The following SUMF1 variants were observed in gnomAD, a reference collection of about 807,000 sequenced individuals.
SUMF1 encodes the protein sulfatase modifying factor 1, also known as formylglycine-generating enzyme.
Under a neutral mutation model 47.6 loss-of-function variants are expected in SUMF1, and 48 were observed. The ratio of observed to expected loss-of-function variants is 1.01; its 90% CI spans 0.80 to 1.28. SUMF1 has a LOEUF of 1.28. Ranked by LOEUF, SUMF1 falls within the 50% of genes most tolerant of loss-of-function variation. The probability of loss-of-function intolerance (pLI) is 0.00; values close to 1 mark genes in which losing one functional copy is unlikely to be tolerated. For synonymous variants in SUMF1, 230 were observed against 192.1 expected, an observed-to-expected ratio of 1.20 and a Z score of -1.63; for missense variants, 571 against 485.4, an observed-to-expected ratio of 1.18 and a Z score of -1.66.
rs1012489529 is a variant in SUMF1 at position 4,151,873 on chromosome 3, A to C, written c.1015-83128T>G. Reference sequence around the variant, plus strand: ...GGACAGGTACGACAACTCCAGGCATAACTGACCTTCCCATGTAAGCATGGT... The same window carrying C: ...GGACAGGTACGACAACTCCAGGCATCACTGACCTTCCCATGTAAGCATGGT... On this transcript the variant is annotated intron_variant and NMD_transcript_variant, in intron 8 of 12. Transcript: ENST00000448413. Among the ~76,000 whole-genome samples the C allele has an allele frequency of 2.6e-5, 4 of 151,634 alleles. No individual in the cohort carries two copies. The East Asian group carries it at 7.7e-4, about 29-fold the overall frequency.
intron 8 of SUMF1, among the ~76,000 whole-genome samples, chr3:4,174,964 G>C (rs775256580): frequency 1.1e-4 from 17 of 152,194 alleles, no homozygotes; most frequent in Non-Finnish European, 2.2e-4. Flanking sequence ...TCTGCCAGAA[G>C]GCAGCCGGGC....
At chr3:4,123,623 G>A (rs1693592986) in intron 8 of SUMF1, among the ~76,000 whole-genome samples, 1 of 152,142 alleles carries the variant, frequency 6.6e-6, no homozygotes, top group African/African-American at 2.4e-5. Flanking sequence ...TCCTTGAAAA[G>A]CAGAACTAGG....
At chr3:4,140,476 ATT>A (rs1694046688) in intron 8 of SUMF1, among the ~76,000 whole-genome samples, 1 of 151,982 alleles carries the variant, frequency 6.6e-6, no homozygotes, top group African/African-American at 2.4e-5. Flanking sequence ...AGAGTTTAGT[ATT>A]TTGTCAAGTA....
At chr3:4,317,227 A>C (rs1698701825) in intron 8 of SUMF1, 4 of 1,542,326 alleles carry the variant, frequency 2.6e-6, no homozygotes, top group Non-Finnish European at 3.5e-6. Flanking sequence ...GTTGATTGTA[A>C]TGGTTCCTAT....
intron 8 of SUMF1, among the ~76,000 whole-genome samples, chr3:4,209,608 A>C (rs935412785): frequency 2.0e-5 from 3 of 152,064 alleles, no homozygotes; most frequent in Non-Finnish European, 4.4e-5. Flanking sequence ...TTAGAGATCA[A>C]GAAGAAAAAA....
chr3:4,316,827 A>C (rs1472736721), intron 8 of SUMF1: 16 of 1,550,538 alleles, frequency 1.0e-5, no homozygotes, highest in Non-Finnish European at 1.4e-5. Flanking sequence ...GATCCACTAC[A>C]GCTTTCTGAA....
At chr3:4,350,859 C>A (rs1230667514) in intron 8 of SUMF1, among the ~76,000 whole-genome samples, 1 of 151,744 alleles carries the variant, frequency 6.6e-6, no homozygotes, top group Non-Finnish European at 1.5e-5. Context: ...TCCCTTTTTG[C>A]TCATACCTCC....
rs569648663 is a variant in SUMF1, at chr3:4,338,842, A to AGT, written c.1014+37486_1014+37487dup. On this transcript the variant is annotated intron_variant and NMD_transcript_variant, in intron 8 of 12. Coordinates refer to the SUMF1 transcript ENST00000448413. ...TTGGGTCTTTGAGCCCCTATAATTT[A>AGT]GTGTGTGTGTGCAAATTTGGCATTC... is the stretch of plus-strand genomic sequence containing the variant. Among the ~76,000 whole-genome samples, 5 of 152,068 alleles carry AGT rather than the reference A, an allele frequency of 3.3e-5. No individual in the cohort carries two copies. In the South Asian group the frequency reaches 1.0e-3, roughly 32 times the overall value.
chr3:4,360,746 T>A (rs9825605), downstream of SUMF1, among the ~76,000 whole-genome samples: 10,904 of 152,270 alleles, frequency 0.072, 1,170 homozygotes, highest in African/African-American at 0.24. Context: ...AACATTTCTT[T>A]CAAATGGCAT....
chr3:4,349,392 T>G (rs1204600398), intron 8 of SUMF1, among the ~76,000 whole-genome samples: 1 of 152,216 alleles, frequency 6.6e-6, no homozygotes, highest in Non-Finnish European at 1.5e-5. Context: ...GGTGGGAATG[T>G]AAATTAGTTC....
chr3:4,464,563 G>C (rs1017836362), intron 1 of SUMF1, among the ~76,000 whole-genome samples: 1 of 152,062 alleles, frequency 6.6e-6, no homozygotes, highest in Non-Finnish European at 1.5e-5. Flanking sequence ...ATAAACATTT[G>C]TTTAATTAAA....
At chr3:4,278,034 A>G (rs1697454423) in intron 8 of SUMF1, among the ~76,000 whole-genome samples, 1 of 152,186 alleles carries the variant, frequency 6.6e-6, no homozygotes, top group Non-Finnish European at 1.5e-5. Flanking sequence ...TTTCGCTACA[A>G]CACAAGAGAG....
At chr3:4,371,058 TTCAC>T (rs1700152154) in intron 8 of SUMF1, among the ~76,000 whole-genome samples, 1 of 152,238 alleles carries the variant, frequency 6.6e-6, no homozygotes, top group African/African-American at 2.4e-5. Context: ...AATGCACTCA[TTCAC>T]TCAGCAAACA....
At chr3:4,196,854 T>C (rs1267195178) in intron 8 of SUMF1, among the ~76,000 whole-genome samples, 1 of 152,148 alleles carries the variant, frequency 6.6e-6, no homozygotes, top group East Asian at 1.9e-4. Flanking sequence ...TTGCTTGCTG[T>C]GTTGCAATAA....
At chr3:4,190,292 C>A (rs1574964397) in intron 8 of SUMF1, among the ~76,000 whole-genome samples, 1 of 151,264 alleles carries the variant, frequency 6.6e-6, no homozygotes, top group African/African-American at 2.4e-5. Context: ...AATGGAAACA[C>A]GAGGGAAGCA....
chr3:4,456,299 G>A (rs182211707), intron 1 of SUMF1, among the ~76,000 whole-genome samples: 1 of 152,110 alleles, frequency 6.6e-6, no homozygotes. Flanking sequence ...GTTAGATTCA[G>A]AACAAGCCAA....
intron 7 of SUMF1, among the ~76,000 whole-genome samples, chr3:4,386,228 T>G (rs1250829376): frequency 6.6e-6 from 1 of 152,220 alleles, no homozygotes; most frequent in Non-Finnish European, 1.5e-5. Flanking sequence ...ATATCTCTAC[T>G]AGGCTGAATT....
intron 8 of SUMF1, among the ~76,000 whole-genome samples, chr3:4,302,960 T>G (rs1698008850): frequency 6.6e-6 from 1 of 152,136 alleles, no homozygotes; most frequent in Admixed American, 6.5e-5. Context: ...CACATGTCAG[T>G]CAACTTCCCG....
At chr3:4,337,907 C>A (rs1297151108) in intron 8 of SUMF1, among the ~76,000 whole-genome samples, 1 of 152,098 alleles carries the variant, frequency 6.6e-6, no homozygotes, top group African/African-American at 2.4e-5. Flanking sequence ...CACCTCCCTC[C>A]CAGTAAACCC....
Sources: allele counts gnomAD v4.1 joint callset (sites outside exome capture counted in the v4.1 genomes callset), GRCh38; gene constraint gnomAD v4.1.1; transcripts MANE v1.5; gene names NCBI Gene and HGNC (gene_info 2026-07-23, HGNC 2026-07-21).